The following ATG7 variants were observed in gnomAD, a reference collection of about 807,000 sequenced individuals.
ATG7 encodes autophagy related 7.
A neutral mutation model predicts 82.4 loss-of-function variants in ATG7; 70 were observed. That is an observed-to-expected ratio of 0.85 (90% CI 0.70 to 1.04). The LOEUF (loss-of-function observed/expected upper bound fraction) is 1.04. ATG7 is among the 50% of genes least tolerant of loss of function. ATG7 has a pLI of 0.00. For missense variants in ATG7, 792 were observed against 864.3 expected, an observed-to-expected ratio of 0.92 and a Z score of 1.05; for synonymous variants, 287 against 313.0, an observed-to-expected ratio of 0.92 and a Z score of 0.88.
chr3:11,289,501 A>G (rs928567774), intron 3 of ATG7, among the ~76,000 whole-genome samples: 9 of 152,232 alleles, frequency 5.9e-5, no homozygotes, highest in Non-Finnish European at 8.8e-5. Flanking sequence ...CAGCAGCTCA[A>G]CATCAACTAT....
intron 19 of ATG7, among the ~76,000 whole-genome samples, chr3:11,392,750 C>T (rs1197413465): frequency 1.3e-5 from 2 of 152,122 alleles, no homozygotes; most frequent in African/African-American, 2.4e-5. Flanking sequence ...ATTTGATGCA[C>T]CACAATTGTT....
intron 20 of ATG7, among the ~76,000 whole-genome samples, chr3:11,547,684 T>G (rs576708153): frequency 6.6e-6 from 1 of 152,240 alleles, no homozygotes; most frequent in Non-Finnish European, 1.5e-5. Flanking sequence ...CAACACTTAC[T>G]ATGATCTGGC....
In ATG7 at chr3:11,378,706, A is replaced by AAAAAAAAAC. The variant is rs1559501467; in HGVS notation, c.1876-1263_1876-1262insAAAAACAAA. 1.6e-3 allele frequency among the ~76,000 whole-genome samples: 247 copies of AAAAAAAAAC among 149,990 alleles called. 1 individual carries two copies. Among genetic ancestry groups the AAAAAAAAAC allele is most frequent in the African/African-American group, 5.6e-3 (225 of 39,956 alleles). On this transcript the variant is annotated intron_variant, in intron 18 of 20. Transcript: ENST00000693202. ...TCTCCAAAAAAAAAAAAAAAAAAAA[A>AAAAAAAAAC]AAATTGCTGTAGGCATGTTTTTCCA...
At position 11,313,396 on chromosome 3, in the gene ATG7, G is replaced by C; in HGVS notation, c.504G>C (p.Leu168Phe). The C allele has an allele frequency of 6.2e-7, 1 of 1,611,300 alleles. No individual in the cohort carries two copies. Among genetic ancestry groups the C allele is most frequent in the Non-Finnish European group, 8.5e-7 (1 of 1,178,510 alleles). Residue 168 changes from leucine (L) to phenylalanine (F), a missense_variant, in exon 8 of 21, where the codon TTG becomes TTC. Leu to Phe is a conservative substitution (Grantham distance 22). Transcript: ENST00000693202. ...SLPLIQGPVG[L>F]DQRFSLKQIE... is the part of the protein sequence containing the mutation. Reference sequence around the variant, plus strand: ...CTCTCATTCAGGGGCCAGTGGGTTTGGATCAAAGGTTTTCACTAAAACAGG... The same window carrying C: ...CTCTCATTCAGGGGCCAGTGGGTTTCGATCAAAGGTTTTCACTAAAACAGG...
At chr3:11,431,589 C>T (rs986807429) in intron 20 of ATG7, among the ~76,000 whole-genome samples, 25 of 152,310 alleles carry the variant, frequency 1.6e-4, no homozygotes, top group Admixed American at 9.1e-4. Context: ...AACCACTAAT[C>T]TTCTTTCTGT....
chr3:11,502,331 G>C (rs553010128), intron 20 of ATG7, among the ~76,000 whole-genome samples: 3 of 143,974 alleles, frequency 2.1e-5, no homozygotes, highest in African/African-American at 7.8e-5. Flanking sequence ...CCACTAACTC[G>C]TCATCTAGCA....
chr3:11,452,942 G>A (rs1165481888), intron 20 of ATG7, among the ~76,000 whole-genome samples: 1 of 152,144 alleles, frequency 6.6e-6, no homozygotes, highest in Non-Finnish European at 1.5e-5. Flanking sequence ...GGAAGTGCAC[G>A]ATTCCGTGGG....
chr3:11,412,274 T>C (rs1400868944), intron 19 of ATG7, among the ~76,000 whole-genome samples: 2 of 152,028 alleles, frequency 1.3e-5, no homozygotes, highest in African/African-American at 2.4e-5. Flanking sequence ...TTTTTTTTTT[T>C]TTTTAGTAGG....
chr3:11,497,357 C>CTATATATATATGTATA lies in ATG7; in HGVS notation c.2080-57443_2080-57442insGTATATATATATATAT, dbSNP rs1281826628. On this transcript the variant is annotated intron_variant, in intron 20 of 20. Coordinates refer to ENST00000693202, the MANE Select transcript of ATG7 (RefSeq NM_001349232.2). The stretch of plus-strand genomic sequence containing the variant: ...TGAAACCCCGTCTGTACTAAAAATA[C>CTATATATATATGTATA]TATATATATATATATATATATATAT... Among the ~76,000 whole-genome samples, 426 of 57,316 alleles carry CTATATATATATGTATA rather than the reference C, an allele frequency of 7.4e-3. 16 individuals are homozygous for CTATATATATATGTATA. Among genetic ancestry groups the CTATATATATATGTATA allele is most frequent in the African/African-American group, 0.027 (402 of 14,988 alleles). 37.6% of individuals were successfully genotyped at this position (57,316 alleles called of 152,430 possible). A position where few individuals can be genotyped will look rare whatever the true frequency, so the allele number is the denominator to read the frequency against.
At chr3:11,427,217 G>A (rs1372637926) in intron 20 of ATG7, among the ~76,000 whole-genome samples, 1 of 152,168 alleles carries the variant, frequency 6.6e-6, no homozygotes, top group Non-Finnish European at 1.5e-5. Flanking sequence ...ATCTGCATGT[G>A]TATGACCATT....
chr3:11,418,300 C>G (rs1392605014), intron 19 of ATG7, among the ~76,000 whole-genome samples: 2 of 149,762 alleles, frequency 1.3e-5, no homozygotes, highest in Admixed American at 6.7e-5. Context: ...TTTGTAGAGA[C>G]CTGGTCTACA....
intron 18 of ATG7, among the ~76,000 whole-genome samples, chr3:11,372,066 T>G (rs1414328994): frequency 6.6e-6 from 1 of 151,404 alleles, no homozygotes; most frequent in Non-Finnish European, 1.5e-5. Flanking sequence ...GTGAGGACGG[T>G]GTGTCCTGTC....
intron 18 of ATG7, among the ~76,000 whole-genome samples, chr3:11,375,555 G>C (rs548732582): frequency 3.7e-4 from 40 of 109,536 alleles, no homozygotes; most frequent in African/African-American, 1.1e-3. Flanking sequence ...TTGCTAGTGA[G>C]ATTTTTTTTT....
intron 19 of ATG7, among the ~76,000 whole-genome samples, chr3:11,396,345 T>A (rs2079272731): frequency 6.6e-6 from 1 of 151,676 alleles, no homozygotes; most frequent in South Asian, 2.1e-4. Flanking sequence ...GGGGTTGAGG[T>A]GAGAGGATTG....
In ATG7 at chr3:11,555,133, T is replaced by TC; in HGVS notation, c.*295dup. ...TTCTTGTCACAGTGACTGATAGCCA[T>TC]CCCCCAGGATCCTTTCCCCTTGGCC... On this transcript the variant is annotated 3_prime_UTR_variant, in exon 21 of 21. Coordinates refer to ENST00000693202, the MANE Select transcript of ATG7 (RefSeq NM_001349232.2). 1 of 440,832 alleles carries TC rather than the reference T, an allele frequency of 2.3e-6. No homozygotes were observed. Among genetic ancestry groups the TC allele is most frequent in the South Asian group, 3.6e-5 (1 of 27,842 alleles). The allele number at this position is 440,832 out of a possible 1,614,324, so 27.3% of individuals were successfully genotyped here. A position where few individuals can be genotyped will look rare whatever the true frequency, so the allele number is the denominator to read the frequency against.
chr3:11,488,343 C>G (rs1204973340), intron 20 of ATG7: 5 of 547,442 alleles, frequency 9.1e-6, no homozygotes, highest in South Asian at 4.5e-5. Flanking sequence ...CTCCTCCAGC[C>G]GCTGCCTCCC....
intron 20 of ATG7, among the ~76,000 whole-genome samples, chr3:11,503,804 A>T (rs946209012): frequency 6.6e-6 from 1 of 151,904 alleles, no homozygotes; most frequent in African/African-American, 2.4e-5. Flanking sequence ...TACTCTTAGA[A>T]ATTAAATATA....
the ATG7 span, among the ~76,000 whole-genome samples, chr3:11,563,001 G>T: frequency 6.6e-6 from 1 of 152,248 alleles, no homozygotes; most frequent in African/African-American, 2.4e-5. Context: ...GGTAAAGAGA[G>T]TCAGGCCACT....
intron 20 of ATG7, among the ~76,000 whole-genome samples, chr3:11,427,491 AT>A (rs11414511): frequency 1.1e-3 from 152 of 143,736 alleles, no homozygotes; most frequent in Admixed American, 1.2e-3. Context: ...TCATTGCATC[AT>A]TTTTTTTTTT....
Sources: gnomAD v4.1 joint callset for allele counts (sites outside exome capture counted in the v4.1 genomes callset) on GRCh38, gnomAD v4.1.1 for gene constraint, MANE v1.5 for transcripts, NCBI Gene and HGNC (gene_info 2026-07-23, HGNC 2026-07-21) for gene names.